The following SH2D4A variants were observed in gnomAD, a reference collection of about 807,000 sequenced individuals.
The protein encoded by SH2D4A is SH2 domain containing 4A, also known as SH2 domain-containing protein 4A.
SH2D4A carries 70 observed loss-of-function variants against 64.7 expected under a neutral mutation model. The observed-to-expected ratio is 1.08, with a 90% CI of 0.89 to 1.32. The LOEUF (loss-of-function observed/expected upper bound fraction) is 1.32, where lower values mean the gene tolerates loss of function less well. Ranked by LOEUF, SH2D4A falls within the 40% of genes most tolerant of loss-of-function variation. The pLI is 0.00. For missense variants in SH2D4A, 706 were observed against 540.1 expected (o/e 1.31, Z -3.04); for synonymous variants, 268 against 200.7 (o/e 1.34, Z -2.83).
At chr8:19,385,671 A>G (rs2053377664) in intron 8 of SH2D4A, among the ~76,000 whole-genome samples, 1 of 152,094 alleles carries the variant, frequency 6.6e-6, no homozygotes, top group Admixed American at 6.6e-5. Flanking sequence ...TACTCCTGAC[A>G]GTTTGTCATA....
intron 2 of SH2D4A, among the ~76,000 whole-genome samples, chr8:19,326,237 C>G (rs2052277371): frequency 6.6e-6 from 1 of 152,190 alleles, no homozygotes; most frequent in Admixed American, 6.5e-5. Context: ...ATCACCTGAG[C>G]TGATATTTAG....
chr8:19,346,391 G>A (rs576572615), intron 4 of SH2D4A, among the ~76,000 whole-genome samples: 5 of 152,326 alleles, frequency 3.3e-5, no homozygotes, highest in Admixed American at 1.3e-4. Flanking sequence ...AACTGCTCAT[G>A]TGAGGGATCT....
At position 19,318,284 on chromosome 8, in the gene SH2D4A, CAA is replaced by C. The variant is rs59292659; in HGVS notation, c.-204-1058_-204-1057del. ...TTCTTATATCTTATTACATCGAATC[CAA>C]AGTCTTTTGTTTTCCAGAATAGATA... On this transcript the variant is annotated intron_variant, in intron 1 of 9. Transcript: ENST00000265807. Among the ~76,000 whole-genome samples, 625 of 152,234 alleles carry C rather than the reference CAA, an allele frequency of 4.1e-3. 6 individuals carry two copies. Among genetic ancestry groups the C allele is most frequent in the African/African-American group, 0.014 (592 of 41,528 alleles).
chr8:19,349,005 C>G (rs1371544871), intron 4 of SH2D4A, among the ~76,000 whole-genome samples: 1 of 151,936 alleles, frequency 6.6e-6, no homozygotes, highest in African/African-American at 2.4e-5. Context: ...CATGTGCTTC[C>G]GAAACACAAG....
At chr8:19,392,993 G>A (rs113840586) in intron 8 of SH2D4A, among the ~76,000 whole-genome samples, 1,745 of 152,166 alleles carry the variant, frequency 0.011, 35 homozygotes, top group African/African-American at 0.041. Context: ...CACCCACCTC[G>A]GCCTCTCAAA....
intron 2 of SH2D4A, among the ~76,000 whole-genome samples, chr8:19,325,419 G>T (rs1445653360): frequency 6.6e-6 from 1 of 152,186 alleles, no homozygotes; most frequent in African/African-American, 2.4e-5. Flanking sequence ...ATGAGTCAGT[G>T]GTAGAGTTAG....
intron 3 of SH2D4A, among the ~76,000 whole-genome samples, chr8:19,333,869 A>G (rs1009091742): frequency 7.2e-5 from 11 of 152,200 alleles, no homozygotes; most frequent in African/African-American, 2.7e-4. Context: ...GGGCTTAACC[A>G]AGATCCCTAG....
chr8:19,367,041 C>T (rs1184426093), intron 7 of SH2D4A, among the ~76,000 whole-genome samples: 2 of 152,170 alleles, frequency 1.3e-5, no homozygotes, highest in Non-Finnish European at 2.9e-5. Flanking sequence ...GTTCTCCTTT[C>T]TCCAGATTCT....
In SH2D4A at chr8:19,396,184, A is replaced by G. The variant is rs769523301; in HGVS notation, c.*1542A>G. On this transcript the variant is annotated 3_prime_UTR_variant, in exon 10 of 10. Coordinates refer to ENST00000265807, the MANE Select transcript of SH2D4A (RefSeq NM_022071.4). ...TAACTGTGTAGGTCAATACTCTTTT[A>G]CATTGCCTTCTAATAAAAGCAGAAT... 1 of 152,104 alleles carries G rather than the reference A, an allele frequency of 6.6e-6. No individual in the cohort carries two copies. Among genetic ancestry groups the G allele is most frequent in the Non-Finnish European group, 1.5e-5 (1 of 68,030 alleles). 9.4% of individuals were successfully genotyped at this position (152,104 alleles called of 1,614,324 possible).
chr8:19,373,466 G>T, intron 7 of SH2D4A, 64 bp from the exon 8 acceptor site: 1 of 922,108 alleles, frequency 1.1e-6, no homozygotes, highest in Non-Finnish European at 1.5e-6. Context: ...ATATATATAT[G>T]ACTTTTGAGG....
chr8:19,386,630 G>C (rs2053397294), intron 8 of SH2D4A, among the ~76,000 whole-genome samples: 1 of 152,190 alleles, frequency 6.6e-6, no homozygotes, highest in Non-Finnish European at 1.5e-5. Flanking sequence ...GGGCCTCAGA[G>C]GCAAGGGGCA....
At chr8:19,339,132 T>A (rs911662222) in intron 4 of SH2D4A, among the ~76,000 whole-genome samples, 3 of 152,162 alleles carry the variant, frequency 2.0e-5, no homozygotes, top group Non-Finnish European at 4.4e-5. Context: ...GAACTTGGAG[T>A]TCGATGTTCG....
chr8:19,349,654 G>C (rs539650899), intron 4 of SH2D4A, among the ~76,000 whole-genome samples: 1 of 152,296 alleles, frequency 6.6e-6, no homozygotes, highest in African/African-American at 2.4e-5. Context: ...CATTAAAGTA[G>C]CTACATGCCA....
At chr8:19,341,223 T>C (rs1182143949) in intron 4 of SH2D4A, among the ~76,000 whole-genome samples, 1 of 152,242 alleles carries the variant, frequency 6.6e-6, no homozygotes, top group Non-Finnish European at 1.5e-5. Flanking sequence ...TGCATCTCAC[T>C]TGTTTCTAAA....
In SH2D4A at chr8:19,313,748, C is replaced by A. The variant is rs957923083; in HGVS notation, c.-280C>A. On this transcript the variant is annotated 5_prime_UTR_variant, in exon 1 of 10. Transcript: ENST00000265807. ...GACGCCTCTGCCTTTCCCTCCCTCC[C>A]TTCCCCGACGGCTTCTGGCGGCCAA... The A allele has an allele frequency of 4.6e-6, 7 of 1,509,856 alleles. No homozygotes were observed. The highest frequency in any genetic ancestry group is 6.2e-6 in the Non-Finnish European group (7 of 1,134,722). The allele number at this position is 1,509,856 out of a possible 1,614,324, so 93.5% of individuals were successfully genotyped here. A position where few individuals can be genotyped will look rare whatever the true frequency, so the allele number is the denominator to read the frequency against.
chr8:19,364,428 G>T, intron 7 of SH2D4A, 146 bp downstream of exon 7: 1 of 852,226 alleles, frequency 1.2e-6, no homozygotes, highest in South Asian at 1.8e-5. Flanking sequence ...TCATGTCTAA[G>T]CCTTCTTCCT....
chr8:19,392,337 T>C (rs2153652617), intron 8 of SH2D4A, among the ~76,000 whole-genome samples: 1 of 152,340 alleles, frequency 6.6e-6, no homozygotes, highest in East Asian at 1.9e-4. Context: ...GCTCTGTCAC[T>C]AAATTACTGA....
At chr8:19,354,381 A>T (rs2052757133) in intron 4 of SH2D4A, among the ~76,000 whole-genome samples, 1 of 152,158 alleles carries the variant, frequency 6.6e-6, no homozygotes, top group Non-Finnish European at 1.5e-5. Context: ...CTAAAATTTC[A>T]AAGAAAAGGA....
chr8:19,322,169 C>G (rs887895797), intron 2 of SH2D4A, among the ~76,000 whole-genome samples: 8 of 152,322 alleles, frequency 5.3e-5, no homozygotes, highest in South Asian at 4.1e-4. Context: ...ACTTCTCTTT[C>G]ATCTTGCGCT....
Sources: allele counts gnomAD v4.1 joint callset (sites outside exome capture counted in the v4.1 genomes callset), GRCh38; gene constraint gnomAD v4.1.1; transcripts MANE v1.5; gene names NCBI Gene and HGNC (gene_info 2026-07-23, HGNC 2026-07-21).